The following NTM variants were observed in gnomAD, a reference collection of about 807,000 sequenced individuals.
NTM encodes IgLON family member 2.
A neutral mutation model predicts 42.1 loss-of-function variants in NTM; 13 were observed. The ratio of observed to expected loss-of-function variants is 0.31; its 90% CI spans 0.20 to 0.49. The LOEUF (loss-of-function observed/expected upper bound fraction) is 0.49. NTM is among the 20% of genes least tolerant of loss of function. The probability of loss-of-function intolerance (pLI) is 0.99; values close to 1 mark genes in which losing one functional copy is unlikely to be tolerated. For missense variants in NTM, 373 were observed against 452.8 expected, an observed-to-expected ratio of 0.82 and a Z score of 1.60; for synonymous variants, 187 against 179.2, an observed-to-expected ratio of 1.04 and a Z score of -0.35.
intron 1 of NTM, among the ~76,000 whole-genome samples, chr11:131,837,048 C>G (rs990048133): frequency 2.6e-5 from 4 of 152,106 alleles, no homozygotes; most frequent in African/African-American, 9.7e-5. Context: ...TTCACTTTGT[C>G]CTTAAACTTT....
chr11:131,821,987 T>C (rs540033227), intron 1 of NTM, among the ~76,000 whole-genome samples: 1 of 152,330 alleles, frequency 6.6e-6, no homozygotes, highest in South Asian at 2.1e-4. Context: ...AATTTTACTT[T>C]GAGAAGGTAG....
intron 1 of NTM, among the ~76,000 whole-genome samples, chr11:131,805,536 TA>T (rs1321269069): frequency 2.6e-5 from 4 of 152,190 alleles, no homozygotes; most frequent in South Asian, 2.1e-4. Flanking sequence ...TTCCTTAATT[TA>T]AAAAAAGTTT....
intron 4 of NTM, among the ~76,000 whole-genome samples, chr11:132,278,237 A>G (rs2093811024): frequency 6.6e-6 from 1 of 152,226 alleles, no homozygotes; most frequent in Admixed American, 6.5e-5. Flanking sequence ...TTTGCTGTGT[A>G]AACCAATCAT....
chr11:132,022,409 T>C (rs551990729), intron 2 of NTM, among the ~76,000 whole-genome samples: 1 of 152,288 alleles, frequency 6.6e-6, no homozygotes, highest in East Asian at 1.9e-4. Flanking sequence ...ACATTTATAT[T>C]TGTAGCTTTG....
intron 2 of NTM, among the ~76,000 whole-genome samples, chr11:131,912,950 G>T (rs74726548): frequency 0.025 from 3,758 of 152,230 alleles, 164 homozygotes; most frequent in African/African-American, 0.086. Context: ...ACCCGTGCAG[G>T]GCTACAAGCA....
chr11:132,171,037 G>A (rs546090885), intron 3 of NTM, among the ~76,000 whole-genome samples: 7 of 152,254 alleles, frequency 4.6e-5, no homozygotes, highest in African/African-American at 1.7e-4. Context: ...ACATTTTGGG[G>A]TGCAAGAATC....
chr11:132,319,877 A>C (rs1305410154), intron 7 of NTM, among the ~76,000 whole-genome samples: 1 of 152,208 alleles, frequency 6.6e-6, no homozygotes, highest in Non-Finnish European at 1.5e-5. Flanking sequence ...CAGTAGGGGC[A>C]GACTGACACC....
intron 1 of NTM, among the ~76,000 whole-genome samples, chr11:131,526,931 G>T (rs2050569967): frequency 6.6e-6 from 1 of 152,226 alleles, no homozygotes; most frequent in African/African-American, 2.4e-5. Context: ...GAAGTATCAT[G>T]AGGGAGACCT....
chr11:131,474,769 CCTT>C (rs1388359367), intron 1 of NTM, among the ~76,000 whole-genome samples: 1 of 152,102 alleles, frequency 6.6e-6, no homozygotes, highest in African/African-American at 2.4e-5. Context: ...ATCATTATAT[CCTT>C]CTTGGACTAT....
intron 7 of NTM, among the ~76,000 whole-genome samples, chr11:132,319,192 C>T (rs3133910): frequency 0.11 from 16,489 of 152,122 alleles, 1,068 homozygotes; most frequent in Non-Finnish European, 0.13. Flanking sequence ...CCAGTGTGAG[C>T]GACGCAAAAG....
In NTM at chr11:131,540,367, G is replaced by A. The variant is rs182460166; in HGVS notation, c.82+169479G>A. ...TTCTTAGTAGAGATGGGGTTTCACC[G>A]TATCAGCCAGGCTGGTCTCAAACTC... On this transcript the variant is annotated intron_variant, in intron 1 of 8. Transcript: ENST00000683400. Among the ~76,000 whole-genome samples the A allele has an allele frequency of 4.1e-3, 620 of 151,846 alleles. 6 individuals are homozygous for A. The highest frequency in any genetic ancestry group is 0.014 in the African/African-American group (564 of 41,434).
At chr11:131,500,482 A>G (rs990650223) in intron 1 of NTM, among the ~76,000 whole-genome samples, 3 of 149,974 alleles carry the variant, frequency 2.0e-5, no homozygotes, top group African/African-American at 7.3e-5. Flanking sequence ...CATTTTACAG[A>G]TGAGATAACT....
chr11:132,059,669 G>C (rs1291665687), intron 2 of NTM, among the ~76,000 whole-genome samples: 1 of 152,090 alleles, frequency 6.6e-6, no homozygotes, highest in East Asian at 1.9e-4. Flanking sequence ...ACTGGGGTAG[G>C]TGCTTTGTGA....
chr11:132,013,727 A>G (rs2072758534), intron 2 of NTM, among the ~76,000 whole-genome samples: 1 of 152,124 alleles, frequency 6.6e-6, no homozygotes. Context: ...TTAAGTGTAC[A>G]ATTCAATAAT....
intron 1 of NTM, among the ~76,000 whole-genome samples, chr11:131,836,490 A>G (rs1434832156): frequency 6.6e-6 from 1 of 152,214 alleles, no homozygotes; most frequent in Non-Finnish European, 1.5e-5. Flanking sequence ...ATGTGAATGA[A>G]GGGATGAATT....
chr11:131,480,560 G>C (rs550336270), intron 1 of NTM, among the ~76,000 whole-genome samples: 343 of 152,302 alleles, frequency 2.3e-3, no homozygotes, highest in Non-Finnish European at 4.0e-3. Context: ...GTGGAAATTG[G>C]TTTCTAAGCT....
chr11:131,556,180 T>A lies in NTM; in HGVS notation c.82+185292T>A, dbSNP rs557973899. 1.4e-4 allele frequency among the ~76,000 whole-genome samples: 22 copies of A among 152,300 alleles called. No homozygotes were observed. The East Asian group carries it at 4.1e-3, about 28-fold the overall frequency. On this transcript the variant is annotated intron_variant, in intron 1 of 8. Transcript: ENST00000683400. ...CAAGTGACAAGATTAGAAAGGAGGA[T>A]GCCTCTAATGTCAAATTCTTATCCA... is the stretch of plus-strand genomic sequence containing the variant.
chr11:131,912,154 C>T (rs1036998958), intron 2 of NTM, among the ~76,000 whole-genome samples: 7 of 152,164 alleles, frequency 4.6e-5, no homozygotes, highest in African/African-American at 1.7e-4. Context: ...TGACTGTGCC[C>T]GGGCTTTCCT....
intron 2 of NTM, among the ~76,000 whole-genome samples, chr11:132,111,234 G>A (rs1174655541): frequency 6.6e-6 from 1 of 151,060 alleles, no homozygotes; most frequent in Admixed American, 6.6e-5. Context: ...ATGCCTATGT[G>A]TGTGTACGTT....
Sources: gnomAD v4.1 joint callset for allele counts (sites outside exome capture counted in the v4.1 genomes callset) on GRCh38, gnomAD v4.1.1 for gene constraint, MANE v1.5 for transcripts, NCBI Gene and HGNC (gene_info 2026-07-23, HGNC 2026-07-21) for gene names.